CYTH3: variants seen among roughly 807,000 people sequenced by gnomAD.
CYTH3 encodes the protein cytohesin-3.
A neutral mutation model predicts 55.1 loss-of-function variants in CYTH3; 23 were observed. That is an observed-to-expected ratio of 0.42 (90% confidence interval 0.30 to 0.59). The LOEUF (loss-of-function observed/expected upper bound fraction) is 0.59. Among genes scored for constraint, CYTH3 ranks in the 20% least tolerant of loss-of-function variants. The pLI, the probability that CYTH3 is intolerant of heterozygous loss-of-function variation, is 0.20. For missense variants in CYTH3, 413 were observed against 524.8 expected (o/e 0.79, Z 2.08); for synonymous variants, 249 against 194.9 (o/e 1.28, Z -2.31).
intron 4 of CYTH3, among the ~76,000 whole-genome samples, chr7:6,181,550 T>C (rs1783502527): frequency 6.6e-6 from 1 of 152,236 alleles, no homozygotes; most frequent in Non-Finnish European, 1.5e-5. Flanking sequence ...AATGAATTCC[T>C]CTATCCATGA....
intron 1 of CYTH3, among the ~76,000 whole-genome samples, chr7:6,194,226 A>G (rs1158956611): frequency 6.6e-6 from 1 of 152,260 alleles, no homozygotes; most frequent in Non-Finnish European, 1.5e-5. Context: ...AAGGCAAGGC[A>G]ATGCTTGCCC....
intron 1 of CYTH3, among the ~76,000 whole-genome samples, chr7:6,261,591 C>T (rs1780354585): frequency 1.3e-5 from 2 of 148,500 alleles, no homozygotes; most frequent in Non-Finnish European, 3.0e-5. Context: ...TGGCATGTGC[C>T]TGTAGTCCCA....
intron 1 of CYTH3, among the ~76,000 whole-genome samples, chr7:6,266,662 T>TA (rs1484088026): frequency 6.6e-6 from 1 of 152,176 alleles, no homozygotes; most frequent in Non-Finnish European, 1.5e-5. Context: ...ACTACCCCTA[T>TA]AGATTGCACC....
chr7:6,231,401 A>G (rs556329422), intron 1 of CYTH3, among the ~76,000 whole-genome samples: 1 of 152,198 alleles, frequency 6.6e-6, no homozygotes, highest in Non-Finnish European at 1.5e-5. Flanking sequence ...AGGAGGGCAG[A>G]GCCTGCTCAC....
intron 1 of CYTH3, 57 bp from the exon 2 acceptor site, chr7:6,190,588 A>C: frequency 7.2e-7 from 1 of 1,390,228 alleles, no homozygotes; most frequent in South Asian, 1.4e-5. Flanking sequence ...AACATCCAGC[A>C]AGGTTGAGGT....
At chr7:6,233,643 G>T (rs957858016) in intron 1 of CYTH3, among the ~76,000 whole-genome samples, 2 of 142,124 alleles carry the variant, frequency 1.4e-5, no homozygotes, top group African/African-American at 5.5e-5. Context: ...GTGACAGAGC[G>T]AGACTCCATC....
Position 6,169,393 on chromosome 7 carries a change from T to C in CYTH3, c.823+1142A>G, listed in dbSNP as rs1783106286. ...ACACCATCACGCCAGGCTAATTTTT[T>C]GTAAAGATGGGGTTTCACTATATTG... On this transcript the variant is annotated intron_variant, in intron 9 of 12. Transcript: ENST00000350796. The surrounding 1 kb of genome is among the most constrained non-coding windows in gnomAD (Gnocchi z 4.1). Among the ~76,000 whole-genome samples the C allele has an allele frequency of 6.6e-6, 1 of 152,088 alleles. No individual in the cohort carries two copies. The highest frequency in any genetic ancestry group is 2.4e-5 in the African/African-American group (1 of 41,420).
intron 9 of CYTH3, 109 bp from the exon 10 acceptor site, chr7:6,165,919 A>T: frequency 9.2e-7 from 1 of 1,085,846 alleles, no homozygotes; most frequent in Non-Finnish European, 1.4e-6. Context: ...AAAGGCCACC[A>T]GGCGCCAGGC....
At chr7:6,192,206 C>A (rs994007596) in intron 1 of CYTH3, among the ~76,000 whole-genome samples, 1 of 152,158 alleles carries the variant, frequency 6.6e-6, no homozygotes, top group Non-Finnish European at 1.5e-5. Flanking sequence ...TATGTAACTC[C>A]TACAAATTAT....
At chr7:6,223,149 G>C (rs568478497) in intron 1 of CYTH3, among the ~76,000 whole-genome samples, 1 of 152,002 alleles carries the variant, frequency 6.6e-6, no homozygotes, top group African/African-American at 2.4e-5. Context: ...GCCTCTGCCC[G>C]GCCGCCCCGT....
At chr7:6,233,054 T>C (rs1387058732) in intron 1 of CYTH3, among the ~76,000 whole-genome samples, 1 of 152,158 alleles carries the variant, frequency 6.6e-6, no homozygotes, top group Non-Finnish European at 1.5e-5. Flanking sequence ...AGGATTCCTC[T>C]TTCTTCCCAA....
chr7:6,185,492 C>G (rs577209320), intron 4 of CYTH3, among the ~76,000 whole-genome samples: 11 of 152,038 alleles, frequency 7.2e-5, no homozygotes, highest in South Asian at 6.2e-4. Flanking sequence ...GTCAGGAGAT[C>G]GAGACCATCC....
chr7:6,188,216 C>T (rs1055903399), intron 2 of CYTH3, among the ~76,000 whole-genome samples: 3 of 151,988 alleles, frequency 2.0e-5, no homozygotes, highest in African/African-American at 7.3e-5. Context: ...GCCTGTAGTC[C>T]TAGCTACTAG....
At chr7:6,240,043 C>G (rs564446596) in intron 1 of CYTH3, among the ~76,000 whole-genome samples, 1 of 152,136 alleles carries the variant, frequency 6.6e-6, no homozygotes, top group African/African-American at 2.4e-5. Flanking sequence ...CAGTGGCTCA[C>G]GCCTATAATC....
chr7:6,202,996 A>G (rs1265566534), intron 1 of CYTH3, among the ~76,000 whole-genome samples: 1 of 152,264 alleles, frequency 6.6e-6, no homozygotes, highest in Non-Finnish European at 1.5e-5. Flanking sequence ...AATTCTTACC[A>G]AAAAGTTGGT....
intron 6 of CYTH3, chr7:6,172,582 C>A: frequency 2.1e-6 from 1 of 465,930 alleles, no homozygotes; most frequent in African/African-American, 2.1e-5. Context: ...CCATCCTGTG[C>A]CTCCATCAGG....
At chr7:6,189,108 G>A (rs571333804) in intron 2 of CYTH3, among the ~76,000 whole-genome samples, 2 of 152,256 alleles carry the variant, frequency 1.3e-5, no homozygotes, top group South Asian at 4.1e-4. Context: ...ATGTCTGATT[G>A]ACTTTCCCAA....
At chr7:6,230,294 G>A (rs1206600856) in intron 1 of CYTH3, among the ~76,000 whole-genome samples, 1 of 152,020 alleles carries the variant, frequency 6.6e-6, no homozygotes, top group African/African-American at 2.4e-5. Flanking sequence ...ATTAACATTG[G>A]TGCCTCAGCT....
At chr7:6,220,569 T>C (rs1284235893) in intron 1 of CYTH3, among the ~76,000 whole-genome samples, 1 of 140,498 alleles carries the variant, frequency 7.1e-6, no homozygotes, top group African/African-American at 2.7e-5. Flanking sequence ...CGAAACATCC[T>C]GTCTCAAAAA....
Sources: allele counts gnomAD v4.1 joint callset (sites outside exome capture counted in the v4.1 genomes callset), GRCh38; gene constraint gnomAD v4.1.1; non-coding constraint Gnocchi (gnomAD v3.1); transcripts MANE v1.5; gene names NCBI Gene and HGNC (gene_info 2026-07-23, HGNC 2026-07-21).